Variants in FANCC observed in about 807,000 individuals in gnomAD.
FANCC encodes the protein FA complementation group C.
Under a neutral mutation model 71.3 loss-of-function variants are expected in FANCC, and 55 were observed. The observed-to-expected ratio is 0.77, with a 90% confidence interval of 0.62 to 0.97. The LOEUF is 0.97. Among genes scored for constraint, FANCC ranks in the 50% least tolerant of loss-of-function variants. The pLI is 0.00. For missense variants in FANCC, 678 were observed against 670.9 expected (o/e 1.01, Z -0.12); for synonymous variants, 275 against 244.9 (o/e 1.12, Z -1.15).
In FANCC at chr9:95,168,744, G is replaced by A. The variant is rs374059220; in HGVS notation, c.521+2335C>T. 2.6e-5 allele frequency among the ~76,000 whole-genome samples: 4 copies of A among 152,288 alleles called. No homozygotes were observed. In the East Asian group the frequency reaches 5.8e-4, roughly 22 times the overall value. ...CGGTTTTGACATGTTGGCCAGGCTC[G>A]TCTTGAACTCCTGAAATCGGGTGAT... is the stretch of plus-strand genomic sequence containing the variant. On this transcript the variant is annotated intron_variant, in intron 6 of 14. Transcript: ENST00000289081.
intron 6 of FANCC, among the ~76,000 whole-genome samples, chr9:95,165,624 C>T (rs567824349): frequency 7.9e-5 from 12 of 151,838 alleles, no homozygotes; most frequent in African/African-American, 2.9e-4. Flanking sequence ...ATTTCTATTC[C>T]CTTGTGGTCA....
At chr9:95,169,053 T>G (rs1472715253) in intron 6 of FANCC, among the ~76,000 whole-genome samples, 1 of 152,130 alleles carries the variant, frequency 6.6e-6, no homozygotes, top group African/African-American at 2.4e-5. Context: ...GACCTCAAAG[T>G]CCAAGAGCAC....
At chr9:95,285,331 T>A (rs949369775) in intron 1 of FANCC, among the ~76,000 whole-genome samples, 16 of 152,068 alleles carry the variant, frequency 1.1e-4, no homozygotes, top group African/African-American at 3.6e-4. Flanking sequence ...GAAAATAGAA[T>A]GCCATAAATT....
At chr9:95,221,512 A>T (rs1249551374) in intron 4 of FANCC, among the ~76,000 whole-genome samples, 1 of 152,186 alleles carries the variant, frequency 6.6e-6, no homozygotes, top group Admixed American at 6.5e-5. Flanking sequence ...CAAAATGACA[A>T]ATCAGGAAAA....
rs56354054 is a variant in FANCC, at chr9:95,124,581, C to T, written c.996+505G>A. On this transcript the variant is annotated intron_variant, in intron 10 of 14. Coordinates refer to ENST00000289081, the MANE Select transcript of FANCC (RefSeq NM_000136.3). ...TCCCCTTCTAGTTAGTCAAGCCTTT[C>T]CCAGTCACTCTTACCACCTCCTTTC... Among the ~76,000 whole-genome samples the T allele has an allele frequency of 3.7e-3, 568 of 152,302 alleles. 2 individuals are homozygous for T. The highest frequency in any genetic ancestry group is 0.013 in the African/African-American group (554 of 41,564).
chr9:95,221,001 G>A (rs1171138036), intron 4 of FANCC, among the ~76,000 whole-genome samples: 2 of 152,038 alleles, frequency 1.3e-5, no homozygotes, highest in Non-Finnish European at 1.5e-5. Flanking sequence ...GGAGGCTGAG[G>A]CGGGCAGATC....
chr9:95,261,551 A>C (rs1832048862), intron 1 of FANCC, among the ~76,000 whole-genome samples: 1 of 152,204 alleles, frequency 6.6e-6, no homozygotes, highest in African/African-American at 2.4e-5. Context: ...TGGCATGAAA[A>C]ATCAGAAGGA....
chr9:95,297,261 G>A lies in FANCC; in HGVS notation c.-79+20265C>T, dbSNP rs4647379. On this transcript the variant is annotated intron_variant, in intron 1 of 14. Coordinates refer to ENST00000289081, the MANE Select transcript of FANCC (RefSeq NM_000136.3). ...CCTCCTTTCTCTAGGCATCTACACT[G>A]ACTTATAATAATGGAGATAAACATT... Among the ~76,000 whole-genome samples, 1,176 of 152,298 alleles carry A rather than the reference G, an allele frequency of 7.7e-3. 14 individuals carry two copies. The highest frequency in any genetic ancestry group is 0.026 in the African/African-American group (1,089 of 41,550).
In FANCC at chr9:95,279,947, C is replaced by CAAA. The variant is rs71498957; in HGVS notation, c.-78-30581_-78-30579dup. ...TGAGTGGCAGATCAAGACTCTGTCTCAAAAAAAAAAAAAAAAAAAAAAAAA... is the reference window on the plus strand; with the variant it reads ...TGAGTGGCAGATCAAGACTCTGTCTCAAAAAAAAAAAAAAAAAAAAAAAAAAAA... On this transcript the variant is annotated intron_variant, in intron 1 of 14. Transcript: ENST00000289081. Among the ~76,000 whole-genome samples the CAAA allele has an allele frequency of 2.1e-3, 134 of 64,756 alleles. 1 individual carries two copies. Among genetic ancestry groups the CAAA allele is most frequent in the African/African-American group, 7.3e-3 (122 of 16,690 alleles). The allele number at this position is 64,756 out of a possible 152,430, so 42.5% of individuals were successfully genotyped here.
intron 1 of FANCC, among the ~76,000 whole-genome samples, chr9:95,251,168 C>A (rs1243995242): frequency 2.6e-5 from 4 of 152,160 alleles, no homozygotes; most frequent in Admixed American, 1.3e-4. Flanking sequence ...AATTCCCTGT[C>A]TTCCTAGAAT....
intron 10 of FANCC, among the ~76,000 whole-genome samples, chr9:95,121,698 T>A (rs759809273): frequency 6.6e-6 from 1 of 152,108 alleles, no homozygotes; most frequent in African/African-American, 2.4e-5. Flanking sequence ...CTCTGCTGAG[T>A]GGAAAAGCAA....
chr9:95,151,822 G>C (rs866599620), intron 6 of FANCC, among the ~76,000 whole-genome samples: 16 of 151,992 alleles, frequency 1.1e-4, no homozygotes, highest in Non-Finnish European at 1.6e-4. Context: ...AGCTACTCGG[G>C]GGGGCGGAGG....
intron 4 of FANCC, among the ~76,000 whole-genome samples, chr9:95,229,943 C>T (rs1326629485): frequency 6.6e-6 from 1 of 151,968 alleles, no homozygotes; most frequent in East Asian, 1.9e-4. Context: ...TAATTTTATC[C>T]ATTCAGTAGT....
intron 1 of FANCC, among the ~76,000 whole-genome samples, chr9:95,306,365 G>A (rs910192843): frequency 6.6e-6 from 1 of 152,184 alleles, no homozygotes; most frequent in Non-Finnish European, 1.5e-5. Context: ...ACATTACCAA[G>A]CAGAAACTGG....
At chr9:95,298,133 T>C (rs1312244038) in intron 1 of FANCC, among the ~76,000 whole-genome samples, 1 of 151,988 alleles carries the variant, frequency 6.6e-6, no homozygotes, top group Non-Finnish European at 1.5e-5. Context: ...TGAGGCCTAG[T>C]CTAGTCACAT....
At chr9:95,195,537 G>A (rs1330759078) in intron 4 of FANCC, among the ~76,000 whole-genome samples, 1 of 152,142 alleles carries the variant, frequency 6.6e-6, no homozygotes, top group African/African-American at 2.4e-5. Context: ...TAAAGACTTA[G>A]TATTAAATAC....
At chr9:95,133,456 G>T (rs758156738) in intron 8 of FANCC, among the ~76,000 whole-genome samples, 1 of 152,252 alleles carries the variant, frequency 6.6e-6, no homozygotes, top group Non-Finnish European at 1.5e-5. Flanking sequence ...CTTCAAAGCT[G>T]TGTGACTCGT....
intron 4 of FANCC, among the ~76,000 whole-genome samples, chr9:95,208,388 C>T (rs999249542): frequency 1.3e-5 from 2 of 152,004 alleles, no homozygotes; most frequent in Non-Finnish European, 2.9e-5. Context: ...TGAGCCACTG[C>T]GCCCGGCCTC....
chr9:95,284,163 T>G (rs1455264034), intron 1 of FANCC, among the ~76,000 whole-genome samples: 3 of 152,212 alleles, frequency 2.0e-5, no homozygotes, highest in Non-Finnish European at 4.4e-5. Context: ...CCTAAACACC[T>G]GTCGGCAAAA....
Sources: allele counts gnomAD v4.1 joint callset (sites outside exome capture counted in the v4.1 genomes callset), GRCh38; gene constraint gnomAD v4.1.1; transcripts MANE v1.5; gene names NCBI Gene and HGNC (gene_info 2026-07-23, HGNC 2026-07-21).